The following NRXN3 variants were observed in gnomAD, a reference collection of about 807,000 sequenced individuals.
NRXN3 encodes the protein neurexin 3.
NRXN3 carries 32 observed loss-of-function variants against 137.6 expected under a neutral mutation model. The ratio of observed to expected loss-of-function variants is 0.23; its 90% CI spans 0.18 to 0.31. The LOEUF (loss-of-function observed/expected upper bound fraction) is 0.31, where lower values mean the gene tolerates loss of function less well. Among genes scored for constraint, NRXN3 ranks in the 10% least tolerant of loss-of-function variants. The pLI is 1.00. For synonymous variants in NRXN3, 798 were observed against 784.5 expected, an observed-to-expected ratio of 1.02 and a Z score of -0.29; for missense variants, 1,574 against 2,062.5, an observed-to-expected ratio of 0.76 and a Z score of 4.59.
At chr14:79,619,352 T>C (rs1217435832) in intron 16 of NRXN3, among the ~76,000 whole-genome samples, 1 of 152,108 alleles carries the variant, frequency 6.6e-6, no homozygotes, top group Non-Finnish European at 1.5e-5. Flanking sequence ...CACATTTAAG[T>C]TTTCAATCTA....
chr14:79,488,318 G>GT (rs1555480597), intron 16 of NRXN3, among the ~76,000 whole-genome samples: 4 of 152,180 alleles, frequency 2.6e-5, no homozygotes, highest in South Asian at 2.1e-4. Flanking sequence ...ACTTGTGACA[G>GT]TTTTTTTATA....
chr14:79,321,763 TA>T, intron 15 of NRXN3, among the ~76,000 whole-genome samples: 1 of 150,202 alleles, frequency 6.7e-6, no homozygotes, highest in South Asian at 2.1e-4. Context: ...TATGTGTAAT[TA>T]CACATATCTA....
intron 19 of NRXN3, among the ~76,000 whole-genome samples, chr14:79,765,251 C>A (rs569408822): frequency 5.3e-5 from 8 of 152,274 alleles, no homozygotes; most frequent in Admixed American, 5.2e-4. Context: ...CTGATTTATA[C>A]AGTAGGAGGA....
chr14:79,668,509 C>T (rs1390668275), intron 17 of NRXN3, among the ~76,000 whole-genome samples: 1 of 152,132 alleles, frequency 6.6e-6, no homozygotes, highest in Non-Finnish European at 1.5e-5. Flanking sequence ...TATCCTGATC[C>T]TCAGACTGCA....
intron 15 of NRXN3, among the ~76,000 whole-genome samples, chr14:79,062,591 A>G (rs1470506429): frequency 6.6e-6 from 1 of 152,192 alleles, no homozygotes; most frequent in Non-Finnish European, 1.5e-5. Flanking sequence ...AAGAGCAATG[A>G]TGACTAGCTT....
At chr14:78,609,311 G>A (rs1171472871) in intron 4 of NRXN3, among the ~76,000 whole-genome samples, 1 of 152,058 alleles carries the variant, frequency 6.6e-6, no homozygotes, top group South Asian at 2.1e-4. Context: ...AGGGTGAGGT[G>A]GCACAGGTGA....
Position 79,211,001 on chromosome 14 carries a change from A to G in NRXN3, c.3262+222860A>G, listed in dbSNP as rs915405347. The stretch of plus-strand genomic sequence containing the variant: ...CTCCTTACCCAAATCTAAAATTCCT[A>G]CAGTAAAATAAATAGAAAATGTGGT... On this transcript the variant is annotated intron_variant, in intron 15 of 20. Coordinates refer to ENST00000335750, the MANE Select transcript of NRXN3 (RefSeq NM_001330195.2). Among the ~76,000 whole-genome samples the G allele has an allele frequency of 3.9e-5, 6 of 152,140 alleles. 1 individual carries two copies. In the South Asian group the frequency reaches 8.3e-4, roughly 21 times the overall value.
chr14:78,443,488 A>G (rs143912033), intron 4 of NRXN3, among the ~76,000 whole-genome samples: 2 of 152,276 alleles, frequency 1.3e-5, no homozygotes, highest in East Asian at 3.9e-4. Context: ...CCAGGGGAGA[A>G]TCAATATATC....
At chr14:79,805,013 C>T in intron 19 of NRXN3, 99 bp from the exon 20 acceptor site, 1 of 795,356 alleles carries the variant, frequency 1.3e-6, no homozygotes, top group Non-Finnish European at 2.1e-6. Context: ...GGAGATGGGA[C>T]ACAGTGATAA....
At chr14:79,149,508 A>C (rs1034459966) in intron 15 of NRXN3, among the ~76,000 whole-genome samples, 1 of 152,060 alleles carries the variant, frequency 6.6e-6, no homozygotes, top group Non-Finnish European at 1.5e-5. Flanking sequence ...ATTACTGAGT[A>C]TATACCCAAA....
chr14:79,434,142 T>C (rs1319712052), intron 15 of NRXN3, among the ~76,000 whole-genome samples: 5 of 152,158 alleles, frequency 3.3e-5, no homozygotes, highest in Non-Finnish European at 7.3e-5. Context: ...GCCAGACTTT[T>C]AGATGATAAT....
intron 1 of NRXN3, among the ~76,000 whole-genome samples, chr14:78,195,921 A>G (rs1369825772): frequency 6.6e-6 from 1 of 152,236 alleles, no homozygotes; most frequent in Non-Finnish European, 1.5e-5. Flanking sequence ...CCTATTTTAC[A>G]GATGAGGTAA....
chr14:78,696,371 G>A (rs2098226071), intron 6 of NRXN3, among the ~76,000 whole-genome samples: 1 of 151,908 alleles, frequency 6.6e-6, no homozygotes, highest in Admixed American at 6.6e-5. Context: ...ATATATGCAA[G>A]GTGCCAGGAG....
At chr14:79,684,548 A>G (rs2098687100) in intron 17 of NRXN3, among the ~76,000 whole-genome samples, 1 of 152,174 alleles carries the variant, frequency 6.6e-6, no homozygotes, top group Non-Finnish European at 1.5e-5. Flanking sequence ...AAGGATTACT[A>G]TGTCATAAGT....
At chr14:78,624,509 AG>A (rs1427357869) in intron 4 of NRXN3, among the ~76,000 whole-genome samples, 1 of 152,216 alleles carries the variant, frequency 6.6e-6, no homozygotes, top group Non-Finnish European at 1.5e-5. Context: ...CCCACTGCAC[AG>A]GGGCGGGGCC....
chr14:79,834,177 G>A (rs766212659), intron 20 of NRXN3, among the ~76,000 whole-genome samples: 3 of 152,050 alleles, frequency 2.0e-5, no homozygotes, highest in Non-Finnish European at 2.9e-5. Flanking sequence ...ATATTAACAC[G>A]GTATTCTTAG....
Position 79,347,426 on chromosome 14 carries a change from C to CT in NRXN3, c.3263-119782dup, listed in dbSNP as rs750931814. On this transcript the variant is annotated intron_variant, in intron 15 of 20. Coordinates refer to ENST00000335750, the MANE Select transcript of NRXN3 (RefSeq NM_001330195.2). ...ATTTTTAGAATGAGGCAACGTTTTC[C>CT]TTTTTTTTTTTTTGAAACAGAGTCT... Among the ~76,000 whole-genome samples, 579 of 142,496 alleles carry CT rather than the reference C, an allele frequency of 4.1e-3. 4 individuals carry two copies. The highest frequency in any genetic ancestry group is 0.011 in the African/African-American group (434 of 38,958). 93.5% of individuals were successfully genotyped at this position (142,496 alleles called of 152,430 possible).
At chr14:79,361,359 A>G (rs1003288407) in intron 15 of NRXN3, among the ~76,000 whole-genome samples, 1 of 152,200 alleles carries the variant, frequency 6.6e-6, no homozygotes, top group African/African-American at 2.4e-5. Context: ...GTCCAGCTGA[A>G]TACATTGCTT....
At chr14:78,364,577 G>C (rs549613241) in intron 4 of NRXN3, among the ~76,000 whole-genome samples, 1 of 152,302 alleles carries the variant, frequency 6.6e-6, no homozygotes, top group African/African-American at 2.4e-5. Flanking sequence ...ACATGTGTCA[G>C]ATGGATACAT....
Sources: allele counts gnomAD v4.1 joint callset (sites outside exome capture counted in the v4.1 genomes callset), GRCh38; gene constraint gnomAD v4.1.1; transcripts MANE v1.5; gene names NCBI Gene and HGNC (gene_info 2026-07-23, HGNC 2026-07-21).